The following FARP2 variants were observed in gnomAD, a reference collection of about 807,000 sequenced individuals.
FARP2 encodes the protein FERM, ARH/RhoGEF and pleckstrin domain protein 2.
Under a neutral mutation model 130.5 loss-of-function variants are expected in FARP2, and 111 were observed. That is an observed-to-expected ratio of 0.85 (90% confidence interval 0.73 to 1.00). FARP2 has a LOEUF of 1.00. Among genes scored for constraint, FARP2 ranks in the 50% least tolerant of loss-of-function variants. The pLI is 0.00. For missense variants in FARP2, 1,385 were observed against 1,346.3 expected, an observed-to-expected ratio of 1.03 and a Z score of -0.45; for synonymous variants, 504 against 516.9, an observed-to-expected ratio of 0.98 and a Z score of 0.34.
intron 1 of FARP2, among the ~76,000 whole-genome samples, chr2:241,371,924 C>G (rs532131881): frequency 1.3e-5 from 2 of 152,026 alleles, no homozygotes; most frequent in South Asian, 4.2e-4. Flanking sequence ...CTAATACTAG[C>G]CTGATCTTCG....
Position 241,463,980 on chromosome 2 carries a change from G to A in FARP2, c.1893G>A (p.Lys631=), listed in dbSNP as rs776969216. ...TGCTCAGGAACATGCGCCAGTTAAA[G>A]GTAGGCTGCATGGTGACTACTGCCT... is the stretch of plus-strand genomic sequence containing the variant. ...DILLRNMRQL[K]EFTSYFQRHD... is the part of the protein sequence containing the mutation. The change falls in exon 17 of 27, where the codon AAG becomes AAA. Residue 631 remains lysine (K), a splice_region_variant and synonymous_variant. Coordinates refer to ENST00000264042, the MANE Select transcript of FARP2 (RefSeq NM_014808.4). The A allele has an allele frequency of 1.9e-6, 3 of 1,613,424 alleles. No individual in the cohort carries two copies. The highest frequency in any genetic ancestry group is 1.1e-5 in the South Asian group (1 of 90,952).
intron 2 of FARP2, among the ~76,000 whole-genome samples, chr2:241,381,138 G>A (rs528194835): frequency 6.6e-5 from 10 of 152,150 alleles, no homozygotes; most frequent in South Asian, 2.1e-4. Flanking sequence ...CTCTGTGTCC[G>A]TTTCCCTCCT....
chr2:241,418,029 A>G lies in FARP2; in HGVS notation c.691A>G (p.Ile231Val). 1 of 1,614,216 alleles carries G rather than the reference A, an allele frequency of 6.2e-7. No homozygotes were observed. The highest frequency in any genetic ancestry group is 8.5e-7 in the Non-Finnish European group (1 of 1,180,042). The stretch of plus-strand genomic sequence containing the variant: ...TGCTCGAAAGTTGGAAATGTACGGC[A>G]TCAGATTTCACATGGCTTCTGACAG... ...EIARKLEMYG[I>V]RFHMASDREG... Residue 231 changes from isoleucine to valine, a missense_variant, in exon 8 of 27, where the codon ATC (isoleucine) becomes GTC (valine). By Grantham distance (29) the Ile-to-Val change is conservative (BLOSUM62 3). Coordinates refer to ENST00000264042, the MANE Select transcript of FARP2 (RefSeq NM_014808.4).
At chr2:241,403,972 C>A (rs1226264256) in intron 3 of FARP2, 40 bp downstream of exon 3, 5 of 1,150,666 alleles carry the variant, frequency 4.3e-6, no homozygotes, top group Non-Finnish European at 6.6e-6. Context: ...AGCCTTTGGG[C>A]CTGCTGTGAT....
At chr2:241,373,901 C>T (rs2061478234) in intron 2 of FARP2, among the ~76,000 whole-genome samples, 1 of 152,024 alleles carries the variant, frequency 6.6e-6, no homozygotes, top group African/African-American at 2.4e-5. Flanking sequence ...AGAATATATG[C>T]ATATATCAAT....
intron 13 of FARP2, among the ~76,000 whole-genome samples, chr2:241,449,390 C>A (rs998236099): frequency 2.0e-5 from 3 of 152,174 alleles, no homozygotes; most frequent in African/African-American, 7.2e-5. Flanking sequence ...TGAAGTCAAC[C>A]TTCAACTTGA....
chr2:241,453,348 C>T (rs1260830755), intron 13 of FARP2, among the ~76,000 whole-genome samples: 14 of 138,848 alleles, frequency 1.0e-4, no homozygotes, highest in Non-Finnish European at 1.6e-4. Context: ...TGTGGCTGGG[C>T]GCGGTGGCTC....
At chr2:241,366,464 TA>T (rs1328297787) in intron 1 of FARP2, among the ~76,000 whole-genome samples, 1 of 151,498 alleles carries the variant, frequency 6.6e-6, no homozygotes. Context: ...TTCAGGCAAT[TA>T]AAAAAAATAA....
rs1553709362 is a variant in FARP2 at position 241,382,290 on chromosome 2, C to CAATT, written c.183+9000_183+9001insAATT. Among the ~76,000 whole-genome samples, 10 of 127,208 alleles carry CAATT rather than the reference C, an allele frequency of 7.9e-5. 1 individual carries two copies. Among genetic ancestry groups the CAATT allele is most frequent in the African/African-American group, 2.8e-4 (10 of 36,214 alleles). 83.5% of individuals were successfully genotyped at this position (127,208 alleles called of 152,430 possible). ...TATTTTCAGTTTCTCTGTACAAAAT[C>CAATT]TATTTTTTTTTTTTTTTTTTTTGAG... On this transcript the variant is annotated intron_variant, in intron 2 of 26. Coordinates refer to ENST00000264042, the MANE Select transcript of FARP2 (RefSeq NM_014808.4).
chr2:241,447,702 C>A (rs752525019), intron 13 of FARP2, among the ~76,000 whole-genome samples: 19 of 152,166 alleles, frequency 1.2e-4, no homozygotes, highest in Non-Finnish European at 2.5e-4. Flanking sequence ...CCACTCTGAG[C>A]TTGAGTTTCC....
intron 2 of FARP2, among the ~76,000 whole-genome samples, chr2:241,392,450 T>C (rs893545751): frequency 6.6e-6 from 1 of 152,228 alleles, no homozygotes; most frequent in Non-Finnish European, 1.5e-5. Flanking sequence ...CATGTTGTAC[T>C]GTTTCCTTGA....
intron 17 of FARP2, chr2:241,466,608 G>A: frequency 1.0e-6 from 1 of 985,120 alleles, no homozygotes; most frequent in Non-Finnish European, 1.2e-6. Context: ...TCTGAGCCCA[G>A]CTTCCTGCAT....
At chr2:241,461,855 G>C (rs1428616935) in intron 14 of FARP2, among the ~76,000 whole-genome samples, 2 of 152,238 alleles carry the variant, frequency 1.3e-5, no homozygotes, top group African/African-American at 4.8e-5. Context: ...GAGGGTTCAG[G>C]GTGGGGAGAG....
chr2:241,465,284 C>T (rs1031734841), intron 17 of FARP2, among the ~76,000 whole-genome samples: 5 of 152,160 alleles, frequency 3.3e-5, no homozygotes, highest in African/African-American at 1.2e-4. Context: ...GGGCCTCCCT[C>T]AGATCAGGGT....
chr2:241,373,062 G>GTTT (rs201276541), intron 1 of FARP2, 22 bp from the exon 2 acceptor site: 200 of 927,346 alleles, frequency 2.2e-4, no homozygotes, highest in South Asian at 4.7e-4. Flanking sequence ...CCTTCATGTG[G>GTTT]TTTTTTTTTT....
intron 2 of FARP2, among the ~76,000 whole-genome samples, chr2:241,389,975 T>G (rs941190845): frequency 2.0e-5 from 3 of 152,188 alleles, no homozygotes; most frequent in African/African-American, 7.2e-5. Flanking sequence ...CTTTGGTCTA[T>G]CACCTCTGCT....
intron 2 of FARP2, chr2:241,387,189 G>C (rs888963154): frequency 2.0e-5 from 3 of 152,130 alleles, no homozygotes; most frequent in African/African-American, 7.2e-5. Context: ...GGAAACGGAG[G>C]GACAGAGATG....
chr2:241,394,605 C>T (rs116769413), intron 2 of FARP2, among the ~76,000 whole-genome samples: 5,223 of 151,790 alleles, frequency 0.034, 291 homozygotes, highest in African/African-American at 0.12. Flanking sequence ...CTGTCCAGGT[C>T]GTAAGGCATC....
chr2:241,485,047 C>T (rs2064717599), intron 21 of FARP2, among the ~76,000 whole-genome samples: 1 of 152,124 alleles, frequency 6.6e-6, no homozygotes, highest in Non-Finnish European at 1.5e-5. Flanking sequence ...TGCCCTATCC[C>T]TCTTGGCTTA....
Sources: allele counts gnomAD v4.1 joint callset (sites outside exome capture counted in the v4.1 genomes callset), GRCh38; gene constraint gnomAD v4.1.1; transcripts MANE v1.5; gene names NCBI Gene and HGNC (gene_info 2026-07-23, HGNC 2026-07-21).